The following MALRD1 variants were observed in gnomAD, a reference collection of about 807,000 sequenced individuals.
MALRD1 encodes MAM and LDL receptor class A domain containing 1.
A neutral mutation model predicts 242.1 loss-of-function variants in MALRD1; 247 were observed. The ratio of observed to expected loss-of-function variants is 1.02; its 90% CI spans 0.92 to 1.13. The LOEUF is 1.13. Ranked by LOEUF, MALRD1 falls within the 50% of genes most tolerant of loss-of-function variation. The pLI, the probability that MALRD1 is intolerant of heterozygous loss-of-function variation, is 0.00. For missense variants in MALRD1, 2,989 were observed against 2,533.1 expected, an observed-to-expected ratio of 1.18 and a Z score of -3.86; for synonymous variants, 995 against 866.6, an observed-to-expected ratio of 1.15 and a Z score of -2.60.
chr10:19,448,252 A>G (rs1355973942), intron 28 of MALRD1, among the ~76,000 whole-genome samples: 1 of 152,110 alleles, frequency 6.6e-6, no homozygotes, highest in Non-Finnish European at 1.5e-5. Context: ...TATATGCTAT[A>G]AATCTATTGG....
At chr10:19,211,231 C>A (rs189421813) in intron 18 of MALRD1, among the ~76,000 whole-genome samples, 1 of 152,070 alleles carries the variant, frequency 6.6e-6, no homozygotes, top group Admixed American at 6.6e-5. Flanking sequence ...TCGTCATGAA[C>A]CTCAAACATG....
At chr10:19,140,455 G>A (rs1032291143) in intron 10 of MALRD1, among the ~76,000 whole-genome samples, 6 of 151,858 alleles carry the variant, frequency 4.0e-5, no homozygotes, top group Admixed American at 3.9e-4. Context: ...GCACCCTCAT[G>A]TTCACTGCAG....
At chr10:19,284,955 GAGAT>G in intron 21 of MALRD1, among the ~76,000 whole-genome samples, 1 of 31,128 alleles carries the variant, frequency 3.2e-5, no homozygotes, top group Non-Finnish European at 4.9e-5. Context: ...TAACTGGTGT[GAGAT>G]GATATCTCAT....
intron 21 of MALRD1, among the ~76,000 whole-genome samples, chr10:19,297,967 T>C (rs1841782232): frequency 6.6e-6 from 1 of 152,028 alleles, no homozygotes; most frequent in Middle Eastern, 3.2e-3. Flanking sequence ...AAAATCTTAG[T>C]GTCTAAGAGC....
chr10:19,423,328 A>G (rs1269494286), intron 28 of MALRD1, among the ~76,000 whole-genome samples: 5 of 152,094 alleles, frequency 3.3e-5, no homozygotes, highest in Non-Finnish European at 4.4e-5. Context: ...AACAAATATT[A>G]TAATGATGAT....
chr10:19,329,394 T>C (rs1010043473), intron 23 of MALRD1, among the ~76,000 whole-genome samples: 7 of 137,022 alleles, frequency 5.1e-5, no homozygotes, highest in African/African-American at 1.1e-4. Context: ...CTGGGAAGCT[T>C]GTATAATTTT....
rs994777898 is a variant in MALRD1, at chr10:19,730,668, A to G, written c.6315-38A>G. ...CTGAAAATGTACTATGGTAAATGTC[A>G]ATAGTTTTTTATTTTTGATGGCCCT... On this transcript the variant is annotated intron_variant, in intron 38 of 39. Transcript: ENST00000454679. 7.2e-6 allele frequency: 11 copies of G among 1,521,164 alleles called. No individual in the cohort carries two copies. The African/African-American group carries it at 1.4e-4, about 19-fold the overall frequency. 94.2% of individuals were successfully genotyped at this position (1,521,164 alleles called of 1,614,324 possible).
Position 19,331,434 on chromosome 10 carries a change from C to A in MALRD1, c.3753C>A (p.Phe1251Leu), listed in dbSNP as rs1843364945. Residue 1251 changes from phenylalanine (F) to leucine (L), a missense_variant, in exon 24 of 40, where the codon TTC (phenylalanine) becomes TTA (leucine). Physicochemically the swap from Phe to Leu is conservative, Grantham distance 22. Transcript: ENST00000454679. ...IGDVAVDDIS[F>L]QDCSPLLSPE... ...ATGTAGCAGTGGATGATATTTCCTT[C>A]CAAGATTGCTCCCCTTTGCTTAGCC... The A allele has an allele frequency of 6.4e-7, 1 of 1,550,394 alleles. No individual in the cohort carries two copies. Among genetic ancestry groups the A allele is most frequent in the African/African-American group, 1.4e-5 (1 of 72,944 alleles).
intron 26 of MALRD1, among the ~76,000 whole-genome samples, chr10:19,375,331 C>T (rs879557300): frequency 2.0e-5 from 3 of 152,200 alleles, no homozygotes; most frequent in Middle Eastern, 3.4e-3. Flanking sequence ...CAAAGTTAGA[C>T]AGCTAATGTA....
At chr10:19,472,360 C>A (rs547279636) in intron 29 of MALRD1, among the ~76,000 whole-genome samples, 1 of 151,882 alleles carries the variant, frequency 6.6e-6, no homozygotes, top group African/African-American at 2.4e-5. Context: ...CCTGTATTTT[C>A]TTTTCTTGTA....
At chr10:19,700,072 C>G (rs1207304156) in intron 38 of MALRD1, among the ~76,000 whole-genome samples, 1 of 150,656 alleles carries the variant, frequency 6.6e-6, no homozygotes, top group Non-Finnish European at 1.5e-5. Flanking sequence ...GAAATCATTA[C>G]ACTGTCACCA....
chr10:19,228,039 G>T (rs952605169), intron 18 of MALRD1, among the ~76,000 whole-genome samples: 2 of 152,152 alleles, frequency 1.3e-5, no homozygotes, highest in African/African-American at 4.8e-5. Flanking sequence ...TTGGAAAGCA[G>T]TTTGGAAGTT....
intron 18 of MALRD1, among the ~76,000 whole-genome samples, chr10:19,245,820 A>G (rs1019159304): frequency 1.3e-5 from 2 of 152,222 alleles, no homozygotes; most frequent in Non-Finnish European, 2.9e-5. Flanking sequence ...ATTAAATGAT[A>G]TGTAAAGTAA....
chr10:19,733,865 C>T (rs1439492564), intron 39 of MALRD1, among the ~76,000 whole-genome samples: 1 of 151,882 alleles, frequency 6.6e-6, no homozygotes, highest in Non-Finnish European at 1.5e-5. Flanking sequence ...TTAGTGAAAC[C>T]AGCACCAGAG....
chr10:19,148,260 A>G (rs1269256026), intron 11 of MALRD1, among the ~76,000 whole-genome samples: 1 of 152,022 alleles, frequency 6.6e-6, no homozygotes, highest in Non-Finnish European at 1.5e-5. Flanking sequence ...GTCTGATGTG[A>G]GCATACCATA....
At chr10:19,103,177 A>G (rs769888044) in intron 4 of MALRD1, among the ~76,000 whole-genome samples, 6 of 152,132 alleles carry the variant, frequency 3.9e-5, no homozygotes, top group Non-Finnish European at 8.8e-5. Context: ...AATAAGTCAC[A>G]GAACAATCAT....
At chr10:19,135,228 C>A (rs1193758893) in intron 9 of MALRD1, among the ~76,000 whole-genome samples, 1 of 152,166 alleles carries the variant, frequency 6.6e-6, no homozygotes, top group African/African-American at 2.4e-5. Flanking sequence ...GATTTTGTCT[C>A]ACTGCAGCTT....
chr10:19,292,080 CAAAA>C (rs756211363), intron 21 of MALRD1, among the ~76,000 whole-genome samples: 2 of 88,030 alleles, frequency 2.3e-5, no homozygotes, highest in South Asian at 4.5e-4. Flanking sequence ...AAGACCGTCT[CAAAA>C]AAAAAAAAAA....
chr10:19,510,487 T>A (rs1005333070), intron 31 of MALRD1, among the ~76,000 whole-genome samples: 2 of 152,214 alleles, frequency 1.3e-5, no homozygotes, highest in Non-Finnish European at 2.9e-5. Flanking sequence ...TTTATGTCCC[T>A]GGGTACTTGA....
Sources: gnomAD v4.1 joint callset for allele counts (sites outside exome capture counted in the v4.1 genomes callset) on GRCh38, gnomAD v4.1.1 for gene constraint, MANE v1.5 for transcripts, NCBI Gene and HGNC (gene_info 2026-07-23, HGNC 2026-07-21) for gene names.